The following CYREN variants were observed in gnomAD, a reference collection of about 807,000 sequenced individuals.
The protein encoded by CYREN is cell cycle regulator of NHEJ.
A neutral mutation model predicts 9.7 loss-of-function variants in CYREN; 7 were observed. The observed-to-expected ratio is 0.72, with a 90% CI of 0.41 to 1.36. The LOEUF (loss-of-function observed/expected upper bound fraction) is 1.36, where lower values mean the gene tolerates loss of function less well. Among genes scored for constraint, CYREN ranks in the 40% most tolerant of loss-of-function variants. The probability of loss-of-function intolerance (pLI) is 0.01; values close to 1 mark genes in which losing one functional copy is unlikely to be tolerated. For synonymous variants in CYREN, 76 were observed against 77.9 expected (o/e 0.98, Z 0.13); for missense variants, 215 against 198.1 (o/e 1.09, Z -0.51).
chr7:135,171,410 G>C (rs1830650951), upstream of CYREN, among the ~76,000 whole-genome samples: 1 of 151,740 alleles, frequency 6.6e-6, no homozygotes, highest in African/African-American at 2.4e-5. Flanking sequence ...CCTAAACCTA[G>C]TAGTTAAAAA....
chr7:135,135,369 T>C (rs2117379470), intron 2 of CYREN: 1 of 1,019,858 alleles, frequency 9.8e-7, no homozygotes, highest in Non-Finnish European at 1.3e-6. Flanking sequence ...ATCTCTCCCC[T>C]TACACATGCA....
intron 3 of CYREN, chr7:135,167,163 C>T (rs967458048): frequency 6.1e-6 from 6 of 985,240 alleles, no homozygotes; most frequent in African/African-American, 3.5e-5. Context: ...CTAGAAAGGC[C>T]GGTGACAGAA....
At chr7:135,168,733 C>T (rs771180098) in intron 2 of CYREN, 53 bp downstream of exon 2, 1 of 1,593,678 alleles carries the variant, frequency 6.3e-7, no homozygotes, top group Admixed American at 1.7e-5. Context: ...GTCATGGAGG[C>T]CCCTGCTCCA....
chr7:135,146,190 G>A (rs1311456850), intron 2 of CYREN, among the ~76,000 whole-genome samples: 1 of 152,194 alleles, frequency 6.6e-6, no homozygotes, highest in African/African-American at 2.4e-5. Context: ...TAACGTGAGA[G>A]AGAAATGGAG....
At chr7:135,161,001 G>C (rs948464510), downstream of CYREN, among the ~76,000 whole-genome samples, 3 of 152,198 alleles carry the variant, frequency 2.0e-5, no homozygotes, top group East Asian at 5.8e-4. The surrounding 1 kb of genome is among the most constrained non-coding windows in gnomAD (Gnocchi z 4.1). Context: ...AGCTGAGCAG[G>C]TGCTGGACTG....
chr7:135,134,933 T>G lies in CYREN; in HGVS notation n.356+33816A>C, dbSNP rs892280382. ...CCTTTTGTAATCCAAGGGGATGTTA[T>G]GGCAAACTCTTCAGAATGGGTCCAG... is the stretch of plus-strand genomic sequence containing the variant. On this transcript the variant is annotated intron_variant and non_coding_transcript_variant, in intron 2 of 2. Coordinates refer to the CYREN transcript ENST00000459937. The G allele has an allele frequency of 2.6e-5, 41 of 1,551,054 alleles. No individual in the cohort carries two copies. The highest frequency in any genetic ancestry group is 3.4e-5 in the Non-Finnish European group (39 of 1,146,664).
upstream of CYREN, among the ~76,000 whole-genome samples, chr7:135,171,902 C>G (rs186910445): frequency 6.6e-6 from 1 of 152,242 alleles, no homozygotes; most frequent in African/African-American, 2.4e-5. Context: ...AGCAGGCTCC[C>G]GAGAAGGATT....
At chr7:135,141,281 T>G (rs1015942191) in intron 2 of CYREN, among the ~76,000 whole-genome samples, 3 of 152,100 alleles carry the variant, frequency 2.0e-5, no homozygotes, top group African/African-American at 7.2e-5. Flanking sequence ...GGTTCAATCT[T>G]GGGAGGTGGT....
intron 2 of CYREN, among the ~76,000 whole-genome samples, chr7:135,158,880 A>ACC (rs1389923609): frequency 6.6e-6 from 1 of 152,180 alleles, no homozygotes; most frequent in Non-Finnish European, 1.5e-5. Context: ...TCAAAATGGC[A>ACC]CCCTGCTGAG....
At chr7:135,144,585 T>G (rs1231876305) in intron 2 of CYREN, among the ~76,000 whole-genome samples, 4 of 151,358 alleles carry the variant, frequency 2.6e-5, no homozygotes, top group Non-Finnish European at 5.9e-5. Flanking sequence ...ATAACCCTCT[T>G]GGAGTAAAAA....
intron 2 of CYREN, among the ~76,000 whole-genome samples, chr7:135,144,922 C>A (rs577905096): frequency 9.1e-6 from 1 of 109,322 alleles, no homozygotes; most frequent in South Asian, 3.2e-4. Flanking sequence ...GACAGAGAGA[C>A]CCTGTCTCAA....
rs866097440 is a variant in CYREN, at chr7:135,129,552, T to G, written n.357-34970A>C. On this transcript the variant is annotated intron_variant and non_coding_transcript_variant, in intron 2 of 2. Transcript: ENST00000459937. ...GACATGTACTGGCTGTATGCAATATTTCTGTTGGATTTGCATGAGTTCTCT... is the reference window on the plus strand; with the variant it reads ...GACATGTACTGGCTGTATGCAATATGTCTGTTGGATTTGCATGAGTTCTCT... The G allele has an allele frequency of 3.9e-6, 3 of 772,350 alleles. No homozygotes were observed. In the African/African-American group the frequency reaches 5.1e-5, roughly 13 times the overall value. 47.8% of individuals were successfully genotyped at this position (772,350 alleles called of 1,614,324 possible).
chr7:135,166,044 C>T lies in CYREN; in HGVS notation c.*567G>A, dbSNP rs1830109627. Reference sequence around the variant, plus strand: ...CCTGTCTGGCTTACCAGTCTATACACTGTGGCCTCAACCTCCCAGACAGGG... The same window carrying T: ...CCTGTCTGGCTTACCAGTCTATACATTGTGGCCTCAACCTCCCAGACAGGG... On this transcript the variant is annotated 3_prime_UTR_variant, in exon 4 of 4. Transcript: ENST00000393114. 2.0e-5 allele frequency: 3 copies of T among 152,536 alleles called. No homozygotes were observed. Among genetic ancestry groups the T allele is most frequent in the South Asian group, 2.1e-4 (1 of 4,822 alleles). 9.4% of individuals were successfully genotyped at this position (152,536 alleles called of 1,614,324 possible). A position where few individuals can be genotyped will look rare whatever the true frequency, so the allele number is the denominator to read the frequency against.
chr7:135,108,012 G>T (rs2348274), intron 2 of CYREN, among the ~76,000 whole-genome samples: 152,294 of 152,294 alleles, frequency 1, 76,147 homozygotes, highest in Non-Finnish European at 1. Flanking sequence ...AAGTCTTGGT[G>T]GTCTGAAATT....
At chr7:135,136,010 T>C (rs1050855868) in intron 2 of CYREN, among the ~76,000 whole-genome samples, 1 of 152,100 alleles carries the variant, frequency 6.6e-6, no homozygotes, top group East Asian at 1.9e-4. Context: ...CTGGAATAAG[T>C]CCAGCACCTC....
chr7:135,111,797 C>G lies in CYREN; in HGVS notation n.357-17215G>C, dbSNP rs186725929. On this transcript the variant is annotated intron_variant and non_coding_transcript_variant, in intron 2 of 2. Transcript: ENST00000459937. Reference sequence around the variant, plus strand: ...GTAGTCCATCCTTTGGTCTTTCTCACCACATACTTTATTTCTGAGCACTCT... The same window carrying G: ...GTAGTCCATCCTTTGGTCTTTCTCAGCACATACTTTATTTCTGAGCACTCT... 4.9e-4 allele frequency among the ~76,000 whole-genome samples: 75 copies of G among 152,260 alleles called. 1 individual carries two copies. Among genetic ancestry groups the G allele is most frequent in the African/African-American group, 1.7e-3 (69 of 41,548 alleles).
intron 2 of CYREN, among the ~76,000 whole-genome samples, chr7:135,148,543 G>C (rs1829597728): frequency 6.6e-6 from 1 of 152,192 alleles, no homozygotes; most frequent in Non-Finnish European, 1.5e-5. Flanking sequence ...TAACTGGTTA[G>C]AAACGATGCA....
intron 2 of CYREN, among the ~76,000 whole-genome samples, chr7:135,100,626 A>G (rs1823692383): frequency 6.6e-6 from 1 of 152,232 alleles, no homozygotes. Flanking sequence ...CCCCAGAAAT[A>G]TAGAAATTTA....
intron 2 of CYREN, among the ~76,000 whole-genome samples, chr7:135,105,526 A>G (rs944797969): frequency 1.3e-5 from 2 of 152,208 alleles, no homozygotes; most frequent in African/African-American, 2.4e-5. Flanking sequence ...AGATTTGTAG[A>G]AGATCAGATG....
Sources: allele counts gnomAD v4.1 joint callset (sites outside exome capture counted in the v4.1 genomes callset), GRCh38; gene constraint gnomAD v4.1.1; non-coding constraint Gnocchi (gnomAD v3.1); transcripts MANE v1.5; gene names NCBI Gene and HGNC (gene_info 2026-07-23, HGNC 2026-07-21).